The following C17orf50 variants were observed in gnomAD, a reference collection of about 807,000 sequenced individuals.
The protein encoded by C17orf50 is plakoglobin binding and degradation factor.
C17orf50 carries 16 observed loss-of-function variants against 17.7 expected under a neutral mutation model. The observed-to-expected ratio is 0.90, with a 90% CI of 0.61 to 1.37. The LOEUF (loss-of-function observed/expected upper bound fraction) is 1.37. C17orf50 is among the 40% of genes most tolerant of loss of function. The probability of loss-of-function intolerance (pLI) is 0.00; values close to 1 mark genes in which losing one functional copy is unlikely to be tolerated. For synonymous variants in C17orf50, 125 were observed against 111.0 expected (o/e 1.13, Z -0.80); for missense variants, 271 against 240.7 (o/e 1.13, Z -0.83).
At chr17:35,761,099 A>ATTTTTT (rs10533957) in intron 1 of C17orf50, 145 bp downstream of exon 1, 8 of 506,322 alleles carry the variant, frequency 1.6e-5, no homozygotes, top group East Asian at 4.1e-5. Context: ...GCCTTCCTGA[A>ATTTTTT]TTTTTTTTTT....
intron 1 of C17orf50, among the ~76,000 whole-genome samples, chr17:35,763,438 CTTTTTTTTTT>C (rs782005643): frequency 5.9e-5 from 6 of 101,516 alleles, no homozygotes; most frequent in African/African-American, 1.2e-4. Flanking sequence ...CCATGCCCAG[CTTTTTTTTTT>C]TTTTTTTTTT....
At position 35,760,894 on chromosome 17, in the gene C17orf50, C is replaced by G. The variant is rs375688582; in HGVS notation, c.-48C>G. On this transcript the variant is annotated 5_prime_UTR_variant, in exon 1 of 3. Transcript: ENST00000605587. ...GTTCTATGGGTTCTGGGCACCCTCT[C>G]ACATCCCAGTCTCTGATCAGGGAAA... 1 of 1,611,916 alleles carries G rather than the reference C, an allele frequency of 6.2e-7. No individual in the cohort carries two copies. The highest frequency in any genetic ancestry group is 1.3e-5 in the African/African-American group (1 of 74,854).
In C17orf50 at chr17:35,764,196, T is replaced by A; in HGVS notation, c.203T>A (p.Val68Glu). 1 of 1,547,890 alleles carries A rather than the reference T, an allele frequency of 6.5e-7. No homozygotes were observed. The highest frequency in any genetic ancestry group is 8.7e-7 in the Non-Finnish European group (1 of 1,146,570). The change falls in exon 2 of 3, where the codon GTG becomes GAG. Residue 68 changes from valine to glutamate, a missense_variant. Physicochemically the swap from Val to Glu is moderately radical, Grantham distance 121. Transcript: ENST00000605587. The stretch of plus-strand genomic sequence containing the variant: ...GGCGAAGGCCGCGAGCGGCGCTCAG[T>A]GTCCTACTGCCCGCTGCGCCAGGAG... The part of the protein sequence containing the change: ...EEGEGRERRS[V>E]SYCPLRQESS...
intron 1 of C17orf50, among the ~76,000 whole-genome samples, chr17:35,763,438 CTTTTTTTTT>C (rs782005643): frequency 3.0e-5 from 3 of 101,514 alleles, no homozygotes; most frequent in East Asian, 3.1e-4. Context: ...CCATGCCCAG[CTTTTTTTTT>C]TTTTTTTTTT....
intron 1 of C17orf50, among the ~76,000 whole-genome samples, chr17:35,762,745 A>T (rs983924694): frequency 1.3e-5 from 2 of 152,112 alleles, no homozygotes; most frequent in African/African-American, 2.4e-5. Flanking sequence ...ACCAGCGGAG[A>T]TGCTGGGCTT....
intron 1 of C17orf50, among the ~76,000 whole-genome samples, chr17:35,763,204 C>T (rs1328785144): frequency 6.6e-6 from 1 of 151,762 alleles, no homozygotes; most frequent in Middle Eastern, 3.5e-3. Context: ...GAGACCTAGG[C>T]AGGAGGGCTG....
At chr17:35,763,935 A>C (rs1039039990) in intron 1 of C17orf50, 72 bp from the exon 2 acceptor site, 64 of 1,044,796 alleles carry the variant, frequency 6.1e-5, no homozygotes, top group Middle Eastern at 2.7e-4. Flanking sequence ...TAAATAAATA[A>C]ATACATGAAA....
At position 35,764,286 on chromosome 17, in the gene C17orf50, C is replaced by G. The variant is rs782033639; in HGVS notation, c.293C>G (p.Pro98Arg). 1 of 1,526,744 alleles carries G rather than the reference C, an allele frequency of 6.5e-7. No individual in the cohort carries two copies. Among genetic ancestry groups the G allele is most frequent in the South Asian group, 1.2e-5 (1 of 81,210 alleles). The allele number at this position is 1,526,744 out of a possible 1,614,324, so 94.6% of individuals were successfully genotyped here. The change falls in exon 2 of 3, where the codon CCC becomes CGC. Residue 98 changes from proline (P) to arginine (R), a missense_variant. By Grantham distance (103) the Pro-to-Arg change is moderately radical (BLOSUM62 -2). Coordinates refer to ENST00000605587, the MANE Select transcript of C17orf50 (RefSeq NM_145272.4). ...ADSGFWGWLG[P>R]LALLGGLTAP... is the part of the protein sequence containing the mutation. The stretch of plus-strand genomic sequence containing the variant: ...AGCGGCTTCTGGGGCTGGCTCGGCC[C>G]CTTAGCGCTGCTGGGCGGCCTAACA...
rs1555602407 is a variant in C17orf50 at position 35,764,554 on chromosome 17, A to G, written c.461A>G (p.Tyr154Cys). The change falls in exon 3 of 3, where the codon TAT (tyrosine) becomes TGT (cysteine). Residue 154 changes from tyrosine (Y) to cysteine (C), a missense_variant. Physicochemically the swap from Tyr to Cys is radical, Grantham distance 194. Coordinates refer to ENST00000605587, the MANE Select transcript of C17orf50 (RefSeq NM_145272.4). The stretch of plus-strand genomic sequence containing the variant: ...AGGAGTCTGCACAGCCACCCAGCCT[A>G]TGTGGCGCACTGCGTTCTGGATCAC... ...KCRSLHSHPAYVAHCVLDHPD... is the reference protein window; with the variant it reads ...KCRSLHSHPACVAHCVLDHPD... The G allele has an allele frequency of 3.1e-6, 5 of 1,596,016 alleles. No individual in the cohort carries two copies. The highest frequency in any genetic ancestry group is 4.3e-6 in the Non-Finnish European group (5 of 1,173,936).
At chr17:35,763,976 A>T (rs2143109056) in intron 1 of C17orf50, 31 bp from the exon 2 acceptor site, 1 of 1,462,998 alleles carries the variant, frequency 6.8e-7, no homozygotes, top group Non-Finnish European at 9.1e-7. Context: ...CGGGGACAGC[A>T]GGACTGCCCT....
In C17orf50 at chr17:35,764,076, G is replaced by A; in HGVS notation, c.83G>A (p.Gly28Glu). 6.5e-7 allele frequency: 1 copy of A among 1,550,270 alleles called. No homozygotes were observed. The highest frequency in any genetic ancestry group is 2.4e-5 in the East Asian group (1 of 40,884). ...GCCGAGGACGCGGAGCAAGAGGAAG[G>A]GAAGGAGGGGTCGGAGGACGAGGAC... The part of the protein sequence containing the change: ...LRAEDAEQEE[G>E]KEGSEDEDED... The change falls in exon 2 of 3, where the codon GGG becomes GAG. Residue 28 changes from glycine (G) to glutamate (E), a missense_variant. By Grantham distance (98) the Gly-to-Glu change is moderately conservative (BLOSUM62 -2). Transcript: ENST00000605587.
chr17:35,763,137 A>T (rs2085857438), intron 1 of C17orf50, among the ~76,000 whole-genome samples: 1 of 151,996 alleles, frequency 6.6e-6, no homozygotes, highest in Non-Finnish European at 1.5e-5. Context: ...AAAAAAAAAA[A>T]AATGGGATCA....
At position 35,764,490 on chromosome 17, in the gene C17orf50, G is replaced by T; in HGVS notation, c.397G>T (p.Gly133Cys). The T allele has an allele frequency of 6.3e-7, 1 of 1,578,618 alleles. No individual in the cohort carries two copies. Among genetic ancestry groups the T allele is most frequent in the Non-Finnish European group, 8.6e-7 (1 of 1,165,058 alleles). The change falls in exon 3 of 3, where the codon GGC becomes TGC. Residue 133 changes from glycine (G) to cysteine (C), a missense_variant. Transcript: ENST00000605587. ...EIRRRPPRRG[G>C]CACCELLFCK... ...CCGGCGACGACCGCCGCGCCGCGGG[G>T]GCTGTGCTTGCTGCGAGCTCCTCTT...
chr17:35,761,026 A>C, intron 1 of C17orf50, 72 bp downstream of exon 1: 1 of 1,513,582 alleles, frequency 6.6e-7, no homozygotes, highest in Non-Finnish European at 8.9e-7. Context: ...AATCCAGCCC[A>C]TCACCATGAA....
At chr17:35,761,454 C>G (rs587726085) in intron 1 of C17orf50, among the ~76,000 whole-genome samples, 1 of 151,538 alleles carries the variant, frequency 6.6e-6, no homozygotes, top group South Asian at 2.1e-4. Context: ...TGCTCTGTCA[C>G]CCAGGCTGGA....
At chr17:35,762,993 G>T (rs1237810813) in intron 1 of C17orf50, among the ~76,000 whole-genome samples, 1 of 152,008 alleles carries the variant, frequency 6.6e-6, no homozygotes, top group Non-Finnish European at 1.5e-5. Context: ...GTGGTGGCGG[G>T]CGCCTATAGT....
chr17:35,762,354 C>T (rs2085837207), intron 1 of C17orf50, among the ~76,000 whole-genome samples: 2 of 152,320 alleles, frequency 1.3e-5, no homozygotes, highest in Middle Eastern at 3.4e-3. Flanking sequence ...CCTTCCTCCC[C>T]TCTTTCCTTT....
In C17orf50 at chr17:35,764,622, C is replaced by T. The variant is rs1253942299; in HGVS notation, c.*4C>T. The T allele has an allele frequency of 6.4e-7, 1 of 1,573,954 alleles. No individual in the cohort carries two copies. The highest frequency in any genetic ancestry group is 1.2e-5 in the South Asian group (1 of 86,008). On this transcript the variant is annotated 3_prime_UTR_variant, in exon 3 of 3. Transcript: ENST00000605587. ...GGGGGCCGCTGGGAACTCCTGAGCG[C>T]CCCCGCTCCCAGCCTTTGTGCCCTC...
chr17:35,764,799 T>C lies in C17orf50; in HGVS notation c.*181T>C, dbSNP rs2085903060. On this transcript the variant is annotated 3_prime_UTR_variant, in exon 3 of 3. Transcript: ENST00000605587. ...CCACTGTTGGTGCTTGGTTCCCATC[T>C]GTCACCTAGCGCCCCCAGTGCAGAG... is the stretch of plus-strand genomic sequence containing the variant. 1 of 640,488 alleles carries C rather than the reference T, an allele frequency of 1.6e-6. No individual in the cohort carries two copies. The highest frequency in any genetic ancestry group is 4.1e-5 in the Admixed American group (1 of 24,280). The allele number at this position is 640,488 out of a possible 1,614,324, so 39.7% of individuals were successfully genotyped here.
Sources: allele counts gnomAD v4.1 joint callset (sites outside exome capture counted in the v4.1 genomes callset), GRCh38; gene constraint gnomAD v4.1.1; transcripts MANE v1.5; gene names NCBI Gene and HGNC (gene_info 2026-07-23, HGNC 2026-07-21).